The following PIGB variants were observed in gnomAD, a reference collection of about 807,000 sequenced individuals.
PIGB encodes GPI alpha-1,2-mannosyltransferase 3.
In PIGB, 58 loss-of-function variants were observed where a neutral mutation model predicts 68.4. The observed-to-expected ratio is 0.85, with a 90% CI of 0.69 to 1.06. The LOEUF (loss-of-function observed/expected upper bound fraction) is 1.06, where lower values mean the gene tolerates loss of function less well. Ranked by LOEUF, PIGB falls within the 50% of genes least tolerant of loss-of-function variation. The pLI is 0.00. For synonymous variants in PIGB, 219 were observed against 220.5 expected, an observed-to-expected ratio of 0.99 and a Z score of 0.06; for missense variants, 634 against 655.8, an observed-to-expected ratio of 0.97 and a Z score of 0.36.
At chr15:55,336,768 A>C (rs1292768467) in intron 6 of PIGB, among the ~76,000 whole-genome samples, 1 of 152,182 alleles carries the variant, frequency 6.6e-6, no homozygotes, top group Non-Finnish European at 1.5e-5. Flanking sequence ...CAGGCACATC[A>C]CCTGAGGTCA....
rs1301954127 is a variant in PIGB at position 55,341,719 on chromosome 15, A to G, written c.1059-19A>G. 10 of 1,121,104 alleles carry G rather than the reference A, an allele frequency of 8.9e-6. No homozygotes were observed. Among genetic ancestry groups the G allele is most frequent in the Non-Finnish European group, 1.1e-5 (9 of 808,434 alleles). 69.4% of individuals were successfully genotyped at this position (1,121,104 alleles called of 1,614,324 possible). On this transcript the variant is annotated intron_variant, in intron 8 of 11. Coordinates refer to ENST00000164305, the MANE Select transcript of PIGB (RefSeq NM_004855.5). ...ACATGATAATTAATATTTTTTAATA[A>G]TATTTGTTTTTATTACAGCATGTTG...
At chr15:55,329,627 T>C in intron 4 of PIGB, 97 bp from the exon 5 acceptor site, 1 of 998,794 alleles carries the variant, frequency 1.0e-6, no homozygotes, top group Non-Finnish European at 1.5e-6. Context: ...TGATGTCCTT[T>C]TCACAATATT....
Position 55,354,778 on chromosome 15 carries a change from G to A in PIGB, c.1338-20G>A. ...TTCATGTTTTACTTGTATTTATTATGGTAACTTTTCTTTTCATAGCCATGT... is the reference window on the plus strand; with the variant it reads ...TTCATGTTTTACTTGTATTTATTATAGTAACTTTTCTTTTCATAGCCATGT... On this transcript the variant is annotated intron_variant, in intron 10 of 11. Coordinates refer to ENST00000164305, the MANE Select transcript of PIGB (RefSeq NM_004855.5). 1.9e-6 allele frequency: 3 copies of A among 1,567,614 alleles called. No homozygotes were observed. The highest frequency in any genetic ancestry group is 2.6e-6 in the Non-Finnish European group (3 of 1,160,106).
chr15:55,348,917 G>C (rs1167023790), intron 9 of PIGB, among the ~76,000 whole-genome samples: 4 of 152,144 alleles, frequency 2.6e-5, no homozygotes, highest in African/African-American at 9.7e-5. Context: ...TGTGATTGGG[G>C]TTATTACAGA....
intron 8 of PIGB, among the ~76,000 whole-genome samples, chr15:55,341,188 C>G (rs1361155078): frequency 6.6e-6 from 1 of 152,066 alleles, no homozygotes; most frequent in Non-Finnish European, 1.5e-5. Flanking sequence ...TAGCAAGACC[C>G]TCTCTCTGAA....
At chr15:55,338,914 G>A (rs934431308) in intron 6 of PIGB, among the ~76,000 whole-genome samples, 2 of 152,104 alleles carry the variant, frequency 1.3e-5, no homozygotes, top group South Asian at 2.1e-4. Flanking sequence ...GAGCGACCTC[G>A]AGCCAGAGGC....
intron 6 of PIGB, among the ~76,000 whole-genome samples, chr15:55,337,494 C>A (rs1044181684): frequency 6.6e-6 from 1 of 152,174 alleles, no homozygotes; most frequent in African/African-American, 2.4e-5. Flanking sequence ...TGCAAGGGAT[C>A]TAGGTTGTGC....
chr15:55,345,897 C>T, intron 9 of PIGB, among the ~76,000 whole-genome samples: 1 of 152,124 alleles, frequency 6.6e-6, no homozygotes, highest in East Asian at 1.9e-4. Context: ...TTGTTCTTAT[C>T]TAAACACTGA....
chr15:55,353,797 G>A (rs1214066519), intron 10 of PIGB, among the ~76,000 whole-genome samples: 1 of 151,786 alleles, frequency 6.6e-6, no homozygotes. Context: ...TAGATACAGG[G>A]TTTCACCATG....
chr15:55,332,390 G>C (rs1457346171), intron 5 of PIGB, among the ~76,000 whole-genome samples: 2 of 148,336 alleles, frequency 1.3e-5, no homozygotes, highest in African/African-American at 2.5e-5. Flanking sequence ...TTTTTTTTGA[G>C]ATGGAGTTTC....
At chr15:55,326,877 A>G (rs2055300696) in intron 3 of PIGB, among the ~76,000 whole-genome samples, 1 of 151,908 alleles carries the variant, frequency 6.6e-6, no homozygotes, top group Non-Finnish European at 1.5e-5. Context: ...CAATTAAATG[A>G]CTGGCTATTA....
intron 3 of PIGB, among the ~76,000 whole-genome samples, chr15:55,324,516 G>A (rs2055236463): frequency 6.6e-6 from 1 of 152,196 alleles, no homozygotes; most frequent in Non-Finnish European, 1.5e-5. Context: ...CTCTTTATTC[G>A]GGGTAAATGT....
intron 6 of PIGB, among the ~76,000 whole-genome samples, chr15:55,335,552 G>A (rs888314084): frequency 1.3e-5 from 2 of 152,178 alleles, no homozygotes; most frequent in Admixed American, 6.5e-5. Flanking sequence ...TATTTGTCAA[G>A]TGATGGTAAT....
At chr15:55,342,275 G>C (rs2055687899) in intron 9 of PIGB, among the ~76,000 whole-genome samples, 1 of 152,230 alleles carries the variant, frequency 6.6e-6, no homozygotes, top group African/African-American at 2.4e-5. Context: ...TGGTTAAACT[G>C]TAAGGGTCTT....
intron 9 of PIGB, among the ~76,000 whole-genome samples, chr15:55,347,724 A>T (rs2055826413): frequency 6.6e-6 from 1 of 152,112 alleles, no homozygotes; most frequent in Non-Finnish European, 1.5e-5. Flanking sequence ...TACTTCTCTA[A>T]GTAATATGGA....
At chr15:55,347,202 G>A (rs2055814033) in intron 9 of PIGB, among the ~76,000 whole-genome samples, 1 of 152,232 alleles carries the variant, frequency 6.6e-6, no homozygotes, top group Non-Finnish European at 1.5e-5. Flanking sequence ...GGGAGGCTGT[G>A]GCGGGCAGAT....
rs117829784 is a variant in PIGB at position 55,333,241 on chromosome 15, C to G, written c.654-626C>G. The stretch of plus-strand genomic sequence containing the variant: ...GCACTGAAAACGGCTTTAGATATTA[C>G]CTTTTTTAAAAGATAAGAAAAACTA... On this transcript the variant is annotated intron_variant, in intron 5 of 11. Coordinates refer to ENST00000164305, the MANE Select transcript of PIGB (RefSeq NM_004855.5). Among the ~76,000 whole-genome samples the G allele has an allele frequency of 1.4e-3, 217 of 152,218 alleles. 1 individual carries two copies. The highest frequency in any genetic ancestry group is 2.7e-3 in the Non-Finnish European group (184 of 68,008).
In PIGB at chr15:55,329,709, T is replaced by C. The variant is rs894416925; in HGVS notation, c.523-15T>C. 6 of 1,602,432 alleles carry C rather than the reference T, an allele frequency of 3.7e-6. No individual in the cohort carries two copies. The African/African-American group carries it at 6.7e-5, about 18-fold the overall frequency. On this transcript the variant is annotated splice_polypyrimidine_tract_variant and intron_variant, in intron 4 of 11. Coordinates refer to ENST00000164305, the MANE Select transcript of PIGB (RefSeq NM_004855.5). Reference sequence around the variant, plus strand: ...TTTCCAATTTCATATATGTTTGCTCTGTACTTTTTCTTAGTTTTTTTGCCA... The same window carrying C: ...TTTCCAATTTCATATATGTTTGCTCCGTACTTTTTCTTAGTTTTTTTGCCA...
intron 3 of PIGB, among the ~76,000 whole-genome samples, chr15:55,326,197 CA>C (rs1267716538): frequency 8.7e-4 from 61 of 70,378 alleles, no homozygotes; most frequent in Middle Eastern, 9.6e-3. Context: ...ACTCTGTCTC[CA>C]AAAAAAAAAA....
Sources: gnomAD v4.1 joint callset for allele counts (sites outside exome capture counted in the v4.1 genomes callset) on GRCh38, gnomAD v4.1.1 for gene constraint, MANE v1.5 for transcripts, NCBI Gene and HGNC (gene_info 2026-07-23, HGNC 2026-07-21) for gene names.